Variants in TSHZ1 observed in about 807,000 individuals in gnomAD.
TSHZ1 encodes teashirt zinc finger homeobox 1, also known as teashirt homolog 1.
A neutral mutation model predicts 67.1 loss-of-function variants in TSHZ1; 12 were observed. That is an observed-to-expected ratio of 0.18 (90% CI 0.11 to 0.29). The LOEUF is 0.29. Among genes scored for constraint, TSHZ1 ranks in the 10% least tolerant of loss-of-function variants. TSHZ1 has a pLI of 1.00. For missense variants in TSHZ1, 1,305 were observed against 1,413.9 expected (o/e 0.92, Z 1.23); for synonymous variants, 632 against 622.4 (o/e 1.02, Z -0.23).
At chr18:75,220,087 G>T (rs1009643023) in intron 1 of TSHZ1, among the ~76,000 whole-genome samples, 1 of 152,200 alleles carries the variant, frequency 6.6e-6, no homozygotes, top group Non-Finnish European at 1.5e-5. Context: ...TTAAAATCCA[G>T]TGTTAATATT....
At chr18:75,225,683 G>A (rs2022915984) in intron 1 of TSHZ1, among the ~76,000 whole-genome samples, 1 of 151,896 alleles carries the variant, frequency 6.6e-6, no homozygotes, top group South Asian at 2.1e-4. Context: ...GAGAGGTGCT[G>A]GTGGGCTCGC....
intron 1 of TSHZ1, among the ~76,000 whole-genome samples, chr18:75,240,232 C>T (rs1480357547): frequency 6.6e-6 from 1 of 151,998 alleles, no homozygotes; most frequent in African/African-American, 2.4e-5. Flanking sequence ...AGGCTGCCCT[C>T]TCTCTCTCTT....
chr18:75,263,823 T>C (rs1014988348), intron 1 of TSHZ1, among the ~76,000 whole-genome samples: 1 of 152,178 alleles, frequency 6.6e-6, no homozygotes, highest in African/African-American at 2.4e-5. Context: ...GAAGATTCTG[T>C]GTTTTGAGTT....
At chr18:75,240,554 A>AT (rs2023141467) in intron 1 of TSHZ1, among the ~76,000 whole-genome samples, 1 of 152,082 alleles carries the variant, frequency 6.6e-6, no homozygotes, top group Non-Finnish European at 1.5e-5. Context: ...GAACAGTGAG[A>AT]TTTTATGATC....
chr18:75,238,207 G>A (rs2023105617), intron 1 of TSHZ1, among the ~76,000 whole-genome samples: 1 of 152,218 alleles, frequency 6.6e-6, no homozygotes, highest in South Asian at 2.1e-4. Flanking sequence ...GGAAGCAGAA[G>A]TTTCCCCGTG....
At chr18:75,259,972 T>A (rs1309946762) in intron 1 of TSHZ1, among the ~76,000 whole-genome samples, 1 of 152,218 alleles carries the variant, frequency 6.6e-6, no homozygotes. Context: ...TTCTTGAGTG[T>A]GTGTGATGTC....
intron 1 of TSHZ1, among the ~76,000 whole-genome samples, chr18:75,279,089 G>A (rs1461056845): frequency 6.6e-6 from 1 of 152,126 alleles, no homozygotes; most frequent in Non-Finnish European, 1.5e-5. Context: ...GGGGTGGTGG[G>A]AGAATGGTGA....
intron 1 of TSHZ1, among the ~76,000 whole-genome samples, chr18:75,256,697 ATTG>A (rs1208850244): frequency 1.3e-5 from 2 of 152,148 alleles, no homozygotes; most frequent in Non-Finnish European, 2.9e-5. Flanking sequence ...TCTTCTTTAA[ATTG>A]TTGTTTCTGT....
At chr18:75,220,035 A>G (rs1296832812) in intron 1 of TSHZ1, among the ~76,000 whole-genome samples, 2 of 152,170 alleles carry the variant, frequency 1.3e-5, no homozygotes. Context: ...GGCCTCACAC[A>G]TTTTCCCCAG....
chr18:75,261,567 A>C (rs1431864111), intron 1 of TSHZ1, among the ~76,000 whole-genome samples: 4 of 152,302 alleles, frequency 2.6e-5, no homozygotes, highest in African/African-American at 9.6e-5. Context: ...TGCTGCCCAG[A>C]TTGACATGTG....
chr18:75,266,606 G>A (rs1169629679), intron 1 of TSHZ1, among the ~76,000 whole-genome samples: 1 of 152,180 alleles, frequency 6.6e-6, no homozygotes, highest in African/African-American at 2.4e-5. Flanking sequence ...ACATAAGGAT[G>A]TCTTTTGAAA....
Position 75,280,645 on chromosome 18 carries a change from C to T in TSHZ1, c.41-4803C>T, listed in dbSNP as rs1278648444. The T allele has an allele frequency of 4.2e-6, 3 of 720,062 alleles. No individual in the cohort carries two copies. The African/African-American group carries it at 5.8e-5, about 14-fold the overall frequency. The allele number at this position is 720,062 out of a possible 1,614,324, so 44.6% of individuals were successfully genotyped here. ...CTTTGGGGAAGTCGGTCAACTTCCCCAAGACTCTGTTTTCTTTCCTGTGGA... is the reference window on the plus strand; with the variant it reads ...CTTTGGGGAAGTCGGTCAACTTCCCTAAGACTCTGTTTTCTTTCCTGTGGA... On this transcript the variant is annotated intron_variant, in intron 1 of 1. Coordinates refer to ENST00000580243, the MANE Select transcript of TSHZ1 (RefSeq NM_001308210.2).
intron 1 of TSHZ1, among the ~76,000 whole-genome samples, chr18:75,249,061 C>A (rs905404969): frequency 3.9e-5 from 6 of 152,152 alleles, no homozygotes; most frequent in Non-Finnish European, 7.4e-5. Flanking sequence ...CACTGTGGTC[C>A]CTGGGCTACT....
intron 1 of TSHZ1, among the ~76,000 whole-genome samples, chr18:75,222,346 CAG>C (rs2022857490): frequency 1.3e-5 from 2 of 151,912 alleles, no homozygotes; most frequent in Admixed American, 1.3e-4. Flanking sequence ...AGAGTAGGTG[CAG>C]AGAGGGAGTT....
intron 1 of TSHZ1, among the ~76,000 whole-genome samples, chr18:75,261,741 G>T (rs2023433161): frequency 6.6e-6 from 1 of 152,250 alleles, no homozygotes; most frequent in African/African-American, 2.4e-5. Flanking sequence ...TTTGAATGCT[G>T]TAGGACCTTT....
Position 75,287,503 on chromosome 18 carries a change from C to T in TSHZ1, c.2096C>T (p.Thr699Ile), listed in dbSNP as rs2023792992. 7 of 1,614,210 alleles carry T rather than the reference C, an allele frequency of 4.3e-6. No homozygotes were observed. The East Asian group carries it at 1.6e-4, about 36-fold the overall frequency. The change falls in exon 2 of 2, where the codon ACT becomes ATT. Residue 699 changes from threonine (T) to isoleucine (I), a missense_variant. Physicochemically the swap from Thr to Ile is moderately conservative, Grantham distance 89. Coordinates refer to ENST00000580243, the MANE Select transcript of TSHZ1 (RefSeq NM_001308210.2). The surrounding 1 kb of genome is among the most constrained non-coding windows in gnomAD (Gnocchi z 5.0). ...KPQKKGPEAE[T>I]GKAKKEGPLD... is the part of the protein sequence containing the mutation. ...CAGAAGAAGGGCCCTGAGGCCGAGA[C>T]TGGGAAGGCCAAAAAGGAGGGACCG...
chr18:75,258,160 G>C (rs1030444848), intron 1 of TSHZ1, among the ~76,000 whole-genome samples: 3 of 152,156 alleles, frequency 2.0e-5, no homozygotes, highest in African/African-American at 7.2e-5. Flanking sequence ...GGCCAGTACA[G>C]GGACCCTTCC....
At chr18:75,280,539 T>C (rs1464694952) in intron 1 of TSHZ1, among the ~76,000 whole-genome samples, 1 of 152,166 alleles carries the variant, frequency 6.6e-6, no homozygotes, top group Non-Finnish European at 1.5e-5. Flanking sequence ...TTGATCCCGA[T>C]AGTGGCAAAG....
intron 1 of TSHZ1, among the ~76,000 whole-genome samples, chr18:75,257,625 A>G (rs902249036): frequency 2.0e-5 from 3 of 152,118 alleles, no homozygotes; most frequent in South Asian, 2.1e-4. Flanking sequence ...GACAGAAAAA[A>G]AAAAAGGCTG....
Sources: gnomAD v4.1 joint callset for allele counts (sites outside exome capture counted in the v4.1 genomes callset) on GRCh38, gnomAD v4.1.1 for gene constraint, Gnocchi (gnomAD v3.1) non-coding constraint, MANE v1.5 for transcripts, NCBI Gene and HGNC (gene_info 2026-07-23, HGNC 2026-07-21) for gene names.